Variants in DNAH10 observed in about 807,000 individuals in gnomAD.
DNAH10 encodes axonemal beta dynein heavy chain 10.
Under a neutral mutation model 506.6 loss-of-function variants are expected in DNAH10, and 348 were observed. The ratio of observed to expected loss-of-function variants is 0.69; its 90% confidence interval spans 0.63 to 0.75. The LOEUF (loss-of-function observed/expected upper bound fraction) is 0.75, where lower values mean the gene tolerates loss of function less well. Among genes scored for constraint, DNAH10 ranks in the 30% least tolerant of loss-of-function variants. The probability of loss-of-function intolerance (pLI) is 0.00; values close to 1 mark genes in which losing one functional copy is unlikely to be tolerated. For synonymous variants in DNAH10, 2,059 were observed against 2,198.6 expected (o/e 0.94, Z 1.78); for missense variants, 5,179 against 5,787.1 (o/e 0.89, Z 3.41).
chr12:123,859,075 GT>G (rs1235774542), intron 37 of DNAH10, 74 bp from the exon 38 acceptor site: 5 of 1,306,990 alleles, frequency 3.8e-6, no homozygotes, highest in Non-Finnish European at 5.4e-6. Context: ...TGTATGGCGT[GT>G]GTGTTGTATC....
Position 123,875,468 on chromosome 12 carries a change from T to A in DNAH10, c.8176T>A (p.Ser2726Thr). 1 of 1,613,966 alleles carries A rather than the reference T, an allele frequency of 6.2e-7. No homozygotes were observed. Among genetic ancestry groups the A allele is most frequent in the South Asian group, 1.1e-5 (1 of 91,084 alleles). ...SEESLHLIYS[S>T]ILKGHTSTFH... ...GGAGTCTCTGCATTTAATTTATTCC[T>A]CCATCCTGAAAGGCCACACCTCGGT... Residue 2726 changes from serine to threonine, a missense_variant, in exon 47 of 79, where the codon TCC becomes ACC. Transcript: ENST00000673944.
chr12:123,928,697 C>A lies in DNAH10; in HGVS notation c.12306+110C>A. On this transcript the variant is annotated intron_variant, in intron 70 of 78. Coordinates refer to ENST00000673944, the MANE Select transcript of DNAH10 (RefSeq NM_001372106.1). The surrounding 1 kb of genome is among the most constrained non-coding windows in gnomAD (Gnocchi z 4.9). ...TGTCTGTGTAGAAATAAACCTTAGG[C>A]TGCAGGTGAAACCTTGCGGTTGAAA... 7.8e-7 allele frequency: 1 copy of A among 1,275,660 alleles called. No homozygotes were observed. Among genetic ancestry groups the A allele is most frequent in the Non-Finnish European group, 1.1e-6 (1 of 940,722 alleles). 79.0% of individuals were successfully genotyped at this position (1,275,660 alleles called of 1,614,324 possible).
At chr12:123,775,629 G>A (rs1453360485) in intron 5 of DNAH10, among the ~76,000 whole-genome samples, 1 of 152,176 alleles carries the variant, frequency 6.6e-6, no homozygotes, top group African/African-American at 2.4e-5. Flanking sequence ...CCTCAGCTTG[G>A]CCCAGTAGCA....
Position 123,924,419 on chromosome 12 carries a change from CTG to C in DNAH10, c.11755_11756del (p.Val3919LeufsTer6). 1 of 1,613,104 alleles carries C rather than the reference CTG, an allele frequency of 6.2e-7. No homozygotes were observed. Among genetic ancestry groups the C allele is most frequent in the Non-Finnish European group, 8.5e-7 (1 of 1,179,236 alleles). ...CCTGATGATGTTGAGAATAATCAGA[CTG>C]TCTGGCAGGAGGTGAGCCCACGTTC... On this transcript the variant is annotated frameshift_variant, in exon 67 of 79. Transcript: ENST00000673944. LOFTEE classifies it high-confidence loss of function.
intron 78 of DNAH10, 99 bp downstream of exon 78, chr12:123,934,865 G>T: frequency 6.8e-7 from 1 of 1,478,536 alleles, no homozygotes; most frequent in Non-Finnish European, 9.1e-7. Context: ...TTTTAAAACA[G>T]GGGTGCCTAA....
chr12:123,855,953 A>G (rs1951369784), intron 36 of DNAH10, among the ~76,000 whole-genome samples: 1 of 149,374 alleles, frequency 6.7e-6, no homozygotes. Context: ...TCACTTTTAT[A>G]TATTTTATTT....
At position 123,909,214 on chromosome 12, in the gene DNAH10, T is replaced by C; in HGVS notation, c.9816-47T>C. ...TGGAGCTCTCTTTCAGGCCAGATCC[T>C]GGCCACATCCCGGGGTTGTGACCCA... is the stretch of plus-strand genomic sequence containing the variant. On this transcript the variant is annotated intron_variant, in intron 57 of 78. Transcript: ENST00000673944. The surrounding 1 kb of genome is among the most constrained non-coding windows in gnomAD (Gnocchi z 5.4). 1 of 1,593,554 alleles carries C rather than the reference T, an allele frequency of 6.3e-7. No homozygotes were observed. The highest frequency in any genetic ancestry group is 2.3e-5 in the East Asian group (1 of 44,118).
chr12:123,890,033 C>T (rs1050076091), intron 52 of DNAH10, among the ~76,000 whole-genome samples: 2 of 152,180 alleles, frequency 1.3e-5, no homozygotes, highest in Admixed American at 6.5e-5. Flanking sequence ...TCCATCCCAC[C>T]ATCCTTGGCT....
intron 44 of DNAH10, 139 bp from the exon 45 acceptor site, chr12:123,871,318 G>A: frequency 1.0e-6 from 1 of 979,316 alleles, no homozygotes; most frequent in Non-Finnish European, 1.5e-6. Context: ...TTCAATGGGT[G>A]AATGTTTCTG....
rs879899581 is a variant in DNAH10 at position 123,765,559 on chromosome 12, A to C, written c.215-2047A>C. On this transcript the variant is annotated intron_variant, in intron 1 of 78. Transcript: ENST00000673944. Reference sequence around the variant, plus strand: ...TCCCTACCTTCCTATGCATCTATCTATACTTTATCTATCTATCTATCTATC... The same window carrying C: ...TCCCTACCTTCCTATGCATCTATCTCTACTTTATCTATCTATCTATCTATC... Among the ~76,000 whole-genome samples the C allele has an allele frequency of 3.2e-3, 230 of 72,306 alleles. 1 individual carries two copies. The highest frequency in any genetic ancestry group is 0.018 in the African/African-American group (222 of 12,478). The allele number at this position is 72,306 out of a possible 152,430, so 47.4% of individuals were successfully genotyped here.
At position 123,934,568 on chromosome 12, in the gene DNAH10, G is replaced by A. The variant is rs183469837; in HGVS notation, c.13478-53G>A. ...TGTGTGCGCCTGATAGAGCCACTCCGTGGCAGGCTGTGCATGCTCCAGTTG... is the reference window on the plus strand; with the variant it reads ...TGTGTGCGCCTGATAGAGCCACTCCATGGCAGGCTGTGCATGCTCCAGTTG... On this transcript the variant is annotated intron_variant, in intron 77 of 78. Transcript: ENST00000673944. The A allele has an allele frequency of 2.1e-4, 339 of 1,602,960 alleles. 1 individual carries two copies. Among genetic ancestry groups the A allele is most frequent in the Admixed American group, 1.5e-3 (86 of 58,508 alleles).
At chr12:123,809,980 C>T (rs1164894552) in intron 19 of DNAH10, among the ~76,000 whole-genome samples, 3 of 152,170 alleles carry the variant, frequency 2.0e-5, no homozygotes, top group African/African-American at 7.2e-5. Flanking sequence ...CGTCACCCCC[C>T]TCCCATCTTC....
intron 13 of DNAH10, among the ~76,000 whole-genome samples, chr12:123,798,578 T>A (rs947721086): frequency 2.0e-5 from 3 of 152,080 alleles, no homozygotes; most frequent in African/African-American, 7.2e-5. Flanking sequence ...AGTATGAGAT[T>A]TGGGAGGACA....
Position 123,813,351 on chromosome 12 carries a change from G to T in DNAH10, c.3332G>T (p.Trp1111Leu), listed in dbSNP as rs763183139. The change falls in exon 20 of 79, where the codon TGG (tryptophan) becomes TTG (leucine). Residue 1111 changes from tryptophan (W) to leucine (L), a missense_variant. By Grantham distance (61) the Trp-to-Leu change is moderately conservative. Coordinates refer to ENST00000673944, the MANE Select transcript of DNAH10 (RefSeq NM_001372106.1). ...AATCTTATGAAGTATCTACAAAAAT[G>T]GAAGCGGTATCGACCTCTCTGGAAA... ...LINLMKYLQK[W>L]KRYRPLWKLD... The T allele has an allele frequency of 3.8e-5, 62 of 1,614,116 alleles. No individual in the cohort carries two copies. The Admixed American group carries it at 4.3e-4, about 11-fold the overall frequency.
rs548155106 is a variant in DNAH10, at chr12:123,917,405, G to T, written c.11003-179G>T. On this transcript the variant is annotated intron_variant, in intron 63 of 78. Transcript: ENST00000673944. This position sits in a 1 kb window ranked among gnomAD's most constrained non-coding sequence, Gnocchi z 5.6. Reference sequence around the variant, plus strand: ...ATCTGCCACTCTGCACCACAGCATCGCTGTTTTGCTCCTGCCTGCCACCTT... The same window carrying T: ...ATCTGCCACTCTGCACCACAGCATCTCTGTTTTGCTCCTGCCTGCCACCTT... 1.2e-4 allele frequency among the ~76,000 whole-genome samples: 18 copies of T among 152,326 alleles called. No individual in the cohort carries two copies. The highest frequency in any genetic ancestry group is 4.3e-4 in the African/African-American group (18 of 41,568).
intron 8 of DNAH10, among the ~76,000 whole-genome samples, chr12:123,784,929 G>T (rs1325141598): frequency 2.6e-5 from 4 of 152,190 alleles, no homozygotes; most frequent in African/African-American, 9.7e-5. Context: ...ACTCCTTTCT[G>T]TGGCAGAATC....
chr12:123,928,284 TG>T lies in DNAH10; in HGVS notation c.12106-101del. ...TCCTCGGCTTGCTTTTGGCTTCTGC[TG>T]GAGCTGCCATCGCCCTTCTGTGGGT... On this transcript the variant is annotated intron_variant, in intron 69 of 78. Coordinates refer to ENST00000673944, the MANE Select transcript of DNAH10 (RefSeq NM_001372106.1). The surrounding 1 kb of genome is among the most constrained non-coding windows in gnomAD (Gnocchi z 4.9). 7.7e-7 allele frequency: 1 copy of T among 1,305,334 alleles called. No individual in the cohort carries two copies. The highest frequency in any genetic ancestry group is 1.0e-6 in the Non-Finnish European group (1 of 960,320). 80.9% of individuals were successfully genotyped at this position (1,305,334 alleles called of 1,614,324 possible). A position where few individuals can be genotyped will look rare whatever the true frequency, so the allele number is the denominator to read the frequency against.
intron 5 of DNAH10, among the ~76,000 whole-genome samples, chr12:123,777,466 C>A (rs181059884): frequency 4.4e-4 from 67 of 152,300 alleles, no homozygotes; most frequent in African/African-American, 1.5e-3. Flanking sequence ...TGGGAGCAGA[C>A]GAGGTCTCAC....
intron 39 of DNAH10, among the ~76,000 whole-genome samples, chr12:123,862,330 T>C (rs1259747880): frequency 6.6e-6 from 1 of 150,886 alleles, no homozygotes; most frequent in Non-Finnish European, 1.5e-5. Context: ...GTCATCCTCC[T>C]CCTCCTCCTC....
Sources: allele counts gnomAD v4.1 joint callset (sites outside exome capture counted in the v4.1 genomes callset), GRCh38; gene constraint gnomAD v4.1.1; non-coding constraint Gnocchi (gnomAD v3.1); transcripts MANE v1.5; gene names NCBI Gene and HGNC (gene_info 2026-07-23, HGNC 2026-07-21).